Variants in TACC2 observed in about 807,000 individuals in gnomAD.
TACC2 encodes transforming acidic coiled-coil-containing protein 2.
Under a neutral mutation model 227.3 loss-of-function variants are expected in TACC2, and 137 were observed. That is an observed-to-expected ratio of 0.60 (90% CI 0.52 to 0.69). The LOEUF is 0.69. TACC2 is among the 30% of genes least tolerant of loss of function. The pLI, the probability that TACC2 is intolerant of heterozygous loss-of-function variation, is 0.00. For synonymous variants in TACC2, 1,523 were observed against 1,487.5 expected, an observed-to-expected ratio of 1.02 and a Z score of -0.55; for missense variants, 3,470 against 3,694.4, an observed-to-expected ratio of 0.94 and a Z score of 1.57.
At chr10:122,140,150 G>T (rs2090321644) in intron 6 of TACC2, among the ~76,000 whole-genome samples, 1 of 152,150 alleles carries the variant, frequency 6.6e-6, no homozygotes, top group Non-Finnish European at 1.5e-5. Flanking sequence ...CCTTAGCAAG[G>T]TGCTAACTCA....
At chr10:122,147,472 A>C (rs2091520070) in intron 7 of TACC2, among the ~76,000 whole-genome samples, 1 of 151,938 alleles carries the variant, frequency 6.6e-6, no homozygotes, top group African/African-American at 2.4e-5. Flanking sequence ...CCATTTCAGT[A>C]CTGTCGTCTG....
At chr10:122,246,834 C>T (rs1231798156) in intron 19 of TACC2, 1 of 150,896 alleles carries the variant, frequency 6.6e-6, no homozygotes, top group Non-Finnish European at 1.5e-5. Context: ...CACACGTGCA[C>T]ACATGTGTGC....
At chr10:122,249,451 AC>A in intron 21 of TACC2, 92 bp from the exon 22 acceptor site, 1 of 1,526,868 alleles carries the variant, frequency 6.5e-7, no homozygotes, top group Non-Finnish European at 8.9e-7. Context: ...CTGGGGCCAG[AC>A]CAGGCCACTC....
At chr10:122,176,651 A>C (rs186348510) in intron 7 of TACC2, among the ~76,000 whole-genome samples, 1 of 152,318 alleles carries the variant, frequency 6.6e-6, no homozygotes, top group African/African-American at 2.4e-5. Flanking sequence ...GAAAGGCCTG[A>C]TGTGGCCCTA....
intron 6 of TACC2, 37 bp downstream of exon 6, chr10:122,132,771 A>G: frequency 2.5e-6 from 4 of 1,611,452 alleles, no homozygotes; most frequent in Non-Finnish European, 3.4e-6. Flanking sequence ...ATGAGACCTC[A>G]GGGCCCAATC....
At chr10:122,129,620 T>C (rs942784252) in intron 5 of TACC2, among the ~76,000 whole-genome samples, 2 of 152,204 alleles carry the variant, frequency 1.3e-5, no homozygotes, top group African/African-American at 4.8e-5. Context: ...GTTTTTCCAC[T>C]CAGATTTTAT....
At chr10:122,222,395 CA>C (rs2095539344) in intron 11 of TACC2, among the ~76,000 whole-genome samples, 1 of 152,174 alleles carries the variant, frequency 6.6e-6, no homozygotes, top group African/African-American at 2.4e-5. Flanking sequence ...GTGATTGCAA[CA>C]AGCAGGGCGT....
intron 16 of TACC2, among the ~76,000 whole-genome samples, chr10:122,235,828 C>T (rs560599194): frequency 1.3e-5 from 2 of 152,198 alleles, no homozygotes; most frequent in South Asian, 4.2e-4. Context: ...CCTGAGCCTG[C>T]CCTGTTCTCA....
chr10:122,244,256 C>T (rs762559226), intron 19 of TACC2, among the ~76,000 whole-genome samples: 1 of 152,210 alleles, frequency 6.6e-6, no homozygotes, highest in Non-Finnish European at 1.5e-5. Flanking sequence ...GAACATTTTC[C>T]TGTCCTTGGG....
In TACC2 at chr10:122,050,858, A is replaced by G. The variant is rs1591473418; in HGVS notation, c.146+308A>G. On this transcript the variant is annotated intron_variant, in intron 3 of 22. Transcript: ENST00000369005. This position sits in a 1 kb window ranked among gnomAD's most constrained non-coding sequence, Gnocchi z 4.6. ...AAAATGGAAAACATCAAGGGTTCCC[A>G]GGGGTTTATCAGTGTCTAATCCGTG... The G allele has an allele frequency of 3.1e-6, 1 of 327,796 alleles. No homozygotes were observed. Among genetic ancestry groups the G allele is most frequent in the East Asian group, 6.3e-5 (1 of 15,812 alleles). 20.3% of individuals were successfully genotyped at this position (327,796 alleles called of 1,614,324 possible).
At chr10:122,115,140 A>C (rs2084404901) in intron 5 of TACC2, among the ~76,000 whole-genome samples, 1 of 152,180 alleles carries the variant, frequency 6.6e-6, no homozygotes, top group East Asian at 1.9e-4. Flanking sequence ...GCTTTTATGG[A>C]GACAGACACT....
At chr10:122,124,709 T>C (rs2086498011) in intron 5 of TACC2, among the ~76,000 whole-genome samples, 1 of 152,254 alleles carries the variant, frequency 6.6e-6, no homozygotes, top group Non-Finnish European at 1.5e-5. Context: ...CTTATTTGTT[T>C]GTCCTGAGTA....
intron 2 of TACC2, among the ~76,000 whole-genome samples, chr10:122,041,627 A>G (rs1315028301): frequency 2.0e-5 from 3 of 151,800 alleles, no homozygotes; most frequent in Non-Finnish European, 2.9e-5. Flanking sequence ...TTTGTATTTT[A>G]GTGGAGACAG....
intron 7 of TACC2, chr10:122,163,592 G>A: frequency 2.0e-6 from 2 of 1,003,568 alleles, no homozygotes; most frequent in Non-Finnish European, 2.4e-6. Flanking sequence ...GCCGGCTGCC[G>A]GGGGGTTTAA....
intron 3 of TACC2, among the ~76,000 whole-genome samples, chr10:122,069,149 G>T (rs913893174): frequency 8.4e-5 from 12 of 142,996 alleles, no homozygotes; most frequent in Non-Finnish European, 1.5e-5. Context: ...GCGACTGTTG[G>T]GCTCCACCTG....
chr10:122,088,265 G>A (rs907525524), intron 4 of TACC2, among the ~76,000 whole-genome samples: 4 of 152,054 alleles, frequency 2.6e-5, no homozygotes, highest in African/African-American at 9.7e-5. Context: ...TTAAGTGATA[G>A]GTTATAGTCA....
chr10:122,196,158 A>G (rs181006676), intron 8 of TACC2, among the ~76,000 whole-genome samples: 303 of 152,382 alleles, frequency 2.0e-3, no homozygotes, highest in South Asian at 3.9e-3. Flanking sequence ...GCCAGGAGCC[A>G]GGTAAACTGA....
intron 2 of TACC2, among the ~76,000 whole-genome samples, chr10:122,042,902 GCACTT>G (rs1249738715): frequency 6.6e-6 from 1 of 152,186 alleles, no homozygotes; most frequent in African/African-American, 2.4e-5. Flanking sequence ...GTTTATGTCT[GCACTT>G]TAAGTATAAT....
chr10:122,055,085 C>T (rs1450388186), intron 3 of TACC2, among the ~76,000 whole-genome samples: 11 of 151,894 alleles, frequency 7.2e-5, no homozygotes, highest in Non-Finnish European at 1.3e-4. Flanking sequence ...CTGGGTGTAG[C>T]GGCATGCATC....
Sources: gnomAD v4.1 joint callset for allele counts (sites outside exome capture counted in the v4.1 genomes callset) on GRCh38, gnomAD v4.1.1 for gene constraint, Gnocchi (gnomAD v3.1) non-coding constraint, MANE v1.5 for transcripts, NCBI Gene and HGNC (gene_info 2026-07-23, HGNC 2026-07-21) for gene names.